TRIM5: variants seen among roughly 807,000 people sequenced by gnomAD.
TRIM5 encodes the protein tripartite motif-containing protein 5.
Under a neutral mutation model 35.6 loss-of-function variants are expected in TRIM5, and 31 were observed. The observed-to-expected ratio is 0.87, with a 90% confidence interval of 0.65 to 1.18. The LOEUF (loss-of-function observed/expected upper bound fraction) is 1.18, where lower values mean the gene tolerates loss of function less well. TRIM5 is among the 50% of genes most tolerant of loss of function. The pLI, the probability that TRIM5 is intolerant of heterozygous loss-of-function variation, is 0.00. For synonymous variants in TRIM5, 243 were observed against 215.6 expected, an observed-to-expected ratio of 1.13 and a Z score of -1.11; for missense variants, 609 against 591.6, an observed-to-expected ratio of 1.03 and a Z score of -0.31.
rs1852850708 is a variant in TRIM5 at position 5,684,393 on chromosome 11, A to G, written c.-62+475T>C. 2.1e-5 allele frequency among the ~76,000 whole-genome samples: 3 copies of G among 142,004 alleles called. No individual in the cohort carries two copies. In the South Asian group the frequency reaches 6.9e-4, roughly 32 times the overall value. 93.2% of individuals were successfully genotyped at this position (142,004 alleles called of 152,430 possible). On this transcript the variant is annotated intron_variant, in intron 1 of 7. Coordinates refer to ENST00000380034, the MANE Select transcript of TRIM5 (RefSeq NM_033034.3). ...TTTTTTCCCATTATCTTTGTAACCA[A>G]TATGAACTAGGGAAAGAACTCCATT...
the TRIM5 span, among the ~76,000 whole-genome samples, chr11:5,598,068 G>T: frequency 6.6e-6 from 1 of 152,260 alleles, no homozygotes; most frequent in Admixed American, 6.5e-5. Context: ...TTGTGAATTT[G>T]GGCTCTTTCT....
chr11:5,677,965 A>G (rs1852121439), intron 4 of TRIM5: 2 of 387,854 alleles, frequency 5.2e-6, no homozygotes, highest in East Asian at 8.3e-5. Flanking sequence ...AAACATGACT[A>G]GAGCTAATTG....
the TRIM5 span, among the ~76,000 whole-genome samples, chr11:5,638,486 T>A: frequency 7.1e-6 from 1 of 141,456 alleles, no homozygotes; most frequent in East Asian, 2.4e-4. Flanking sequence ...GTACACCAGC[T>A]GGTGTCATGA....
the TRIM5 span, chr11:5,610,146 A>G: frequency 6.2e-7 from 1 of 1,614,050 alleles, no homozygotes. Flanking sequence ...CCTTTCTAGG[A>G]GTGAGTTCTG....
At chr11:5,642,257 C>T in the TRIM5 span, 3 of 583,228 alleles carry the variant, frequency 5.1e-6, no homozygotes, top group African/African-American at 5.7e-5. Flanking sequence ...CTTCTGGATC[C>T]AGGGTCCGGC....
At chr11:5,672,490 T>C (rs1851652961) in intron 4 of TRIM5, among the ~76,000 whole-genome samples, 1 of 152,142 alleles carries the variant, frequency 6.6e-6, no homozygotes, top group Non-Finnish European at 1.5e-5. Context: ...AGATTACAGG[T>C]GTGAGCCCCT....
At chr11:5,607,133 G>A in the TRIM5 span, among the ~76,000 whole-genome samples, 1 of 152,172 alleles carries the variant, frequency 6.6e-6, no homozygotes, top group Non-Finnish European at 1.5e-5. Context: ...GAACCCAGGA[G>A]GCGGAGCGTG....
chr11:5,667,564 TA>T, intron 5 of TRIM5, 124 bp downstream of exon 5: 3 of 1,028,860 alleles, frequency 2.9e-6, no homozygotes, highest in Non-Finnish European at 2.9e-6. Flanking sequence ...AAATTTATGA[TA>T]AAACAATATC....
rs758805513 is a variant in TRIM5 at position 5,664,888 on chromosome 11, G to A, written c.1403C>T (p.Ser468Phe). 4 of 1,613,972 alleles carry A rather than the reference G, an allele frequency of 2.5e-6. No homozygotes were observed. Among genetic ancestry groups the A allele is most frequent in the Non-Finnish European group, 3.4e-6 (4 of 1,179,978 alleles). ...ATATGGAAATACAGGCTGAGAAAAA[G>A]AACAGTGAGAAAACTTATAGATGAG... The part of the protein sequence containing the change: ...GFLIYKFSHC[S>F]FSQPVFPYLN... Residue 468 changes from serine (S) to phenylalanine (F), a missense_variant, in exon 8 of 8, where the codon TCT (serine) becomes TTT (phenylalanine). Physicochemically the swap from Ser to Phe is radical, Grantham distance 155 (BLOSUM62 -2). Coordinates refer to ENST00000380034, the MANE Select transcript of TRIM5 (RefSeq NM_033034.3).
the TRIM5 span, chr11:5,610,479 C>A: frequency 1.2e-6 from 2 of 1,613,414 alleles, no homozygotes; most frequent in Non-Finnish European, 1.7e-6. Context: ...GAGAGAGATA[C>A]CAGACATGAG....
chr11:5,643,165 T>A, the TRIM5 span: 19 of 1,554,804 alleles, frequency 1.2e-5, no homozygotes, highest in Non-Finnish European at 1.6e-5. Flanking sequence ...CTGAATTCAG[T>A]CAACCTAAAT....
At chr11:5,677,261 AAAAC>A (rs1456766010) in intron 4 of TRIM5, among the ~76,000 whole-genome samples, 3 of 152,120 alleles carry the variant, frequency 2.0e-5, no homozygotes, top group Admixed American at 6.6e-5. Context: ...TTACAAGAAA[AAAAC>A]AAACAACCCC....
chr11:5,673,015 C>T (rs150136465), intron 4 of TRIM5, among the ~76,000 whole-genome samples: 15 of 152,078 alleles, frequency 9.9e-5, no homozygotes, highest in African/African-American at 3.6e-4. Context: ...AAAATAACAA[C>T]ATCAAAAAAG....
chr11:5,645,274 C>A, the TRIM5 span, among the ~76,000 whole-genome samples: 30 of 151,880 alleles, frequency 2.0e-4, no homozygotes, highest in South Asian at 1.0e-3. Flanking sequence ...CCCCTGTAAT[C>A]CCACCTACTT....
chr11:5,634,107 T>C, the TRIM5 span, among the ~76,000 whole-genome samples: 49 of 152,200 alleles, frequency 3.2e-4, no homozygotes, highest in African/African-American at 1.1e-3. Context: ...AGCACAAAGA[T>C]AGACTCTATG....
chr11:5,648,401 T>G, the TRIM5 span, among the ~76,000 whole-genome samples: 4 of 151,940 alleles, frequency 2.6e-5, no homozygotes, highest in Non-Finnish European at 4.4e-5. Context: ...AGCTACTCAG[T>G]TGGCTGAGGC....
In TRIM5 at chr11:5,665,677, T is replaced by C; in HGVS notation, c.874A>G (p.Thr292Ala). 6.6e-7 allele frequency: 1 copy of C among 1,522,152 alleles called. No individual in the cohort carries two copies. The highest frequency in any genetic ancestry group is 8.7e-7 in the Non-Finnish European group (1 of 1,144,154). 94.3% of individuals were successfully genotyped at this position (1,522,152 alleles called of 1,614,324 possible). ...KGMLEVFREL[T>A]DVRRYWVDVT... ...TTACCCCAGTAGCGTCGGACATCTGTCAGCTCTGAAATGATAAAAATGCAC... is the reference window on the plus strand; with the variant it reads ...TTACCCCAGTAGCGTCGGACATCTGCCAGCTCTGAAATGATAAAAATGCAC... Residue 292 changes from threonine (T) to alanine (A), a missense_variant, in exon 7 of 8, where the codon ACA (threonine) becomes GCA (alanine). Physicochemically the swap from Thr to Ala is moderately conservative, Grantham distance 58 (BLOSUM62 0). Coordinates refer to ENST00000380034, the MANE Select transcript of TRIM5 (RefSeq NM_033034.3).
the TRIM5 span, among the ~76,000 whole-genome samples, chr11:5,624,624 G>A: frequency 2.6e-5 from 4 of 151,866 alleles, no homozygotes; most frequent in Non-Finnish European, 5.9e-5. Context: ...CACTATTGAT[G>A]TTTTGGAATG....
chr11:5,657,861 G>C, the TRIM5 span, among the ~76,000 whole-genome samples: 2,458 of 150,506 alleles, frequency 0.016, 39 homozygotes, highest in Non-Finnish European at 0.021. Context: ...AGTGATCTGA[G>C]AGCCTCGGCC....
Sources: allele counts gnomAD v4.1 joint callset (sites outside exome capture counted in the v4.1 genomes callset), GRCh38; gene constraint gnomAD v4.1.1; transcripts MANE v1.5; gene names NCBI Gene and HGNC (gene_info 2026-07-23, HGNC 2026-07-21).